The following ELFN1 variants were observed in gnomAD, a reference collection of about 807,000 sequenced individuals.
The protein encoded by ELFN1 is protein ELFN1.
A neutral mutation model predicts 7.6 loss-of-function variants in ELFN1; 6 were observed. The observed-to-expected ratio is 0.79, with a 90% confidence interval of 0.43 to 1.56. The LOEUF is 1.56. Ranked by LOEUF, ELFN1 falls within the 40% of genes most tolerant of loss-of-function variation. The probability of loss-of-function intolerance (pLI) is 0.01; values close to 1 mark genes in which losing one functional copy is unlikely to be tolerated. For synonymous variants in ELFN1, 657 were observed against 588.1 expected, an observed-to-expected ratio of 1.12 and a Z score of -1.70; for missense variants, 1,169 against 1,232.2, an observed-to-expected ratio of 0.95 and a Z score of 0.77.
chr7:1,685,174 T>C (rs1038344575), intron 1 of ELFN1, among the ~76,000 whole-genome samples: 2 of 152,212 alleles, frequency 1.3e-5, no homozygotes, highest in African/African-American at 4.8e-5. Flanking sequence ...TAGTTTCTGA[T>C]GAGAAATCAG....
At chr7:1,676,616 T>C (rs1169096921) in intron 1 of ELFN1, among the ~76,000 whole-genome samples, 1 of 152,230 alleles carries the variant, frequency 6.6e-6, no homozygotes, top group Admixed American at 6.5e-5. Context: ...CCCTGGAACC[T>C]GGATGGGGCG....
rs565998208 is a variant in ELFN1, at chr7:1,711,492, T to C, written c.-294+2240T>C. ...GAGGAACAGAGAGACCCAGAAAATA[T>C]AGAGACTTCCAGAAAGAGGAGGAGA... is the stretch of plus-strand genomic sequence containing the variant. On this transcript the variant is annotated intron_variant, in intron 3 of 3. Coordinates refer to ENST00000424383, the MANE Select transcript of ELFN1 (RefSeq NM_001128636.4). Among the ~76,000 whole-genome samples, 38 of 148,436 alleles carry C rather than the reference T, an allele frequency of 2.6e-4. No individual in the cohort carries two copies. The East Asian group carries it at 6.2e-3, about 24-fold the overall frequency.
chr7:1,694,220 TGGGA>T (rs1779248969), intron 2 of ELFN1: 1 of 200,196 alleles, frequency 5.0e-6, no homozygotes, highest in Admixed American at 5.2e-5. Context: ...GTCCCAGGCT[TGGGA>T]GGCCGGTGCC....
intron 3 of ELFN1, among the ~76,000 whole-genome samples, chr7:1,723,345 A>G (rs1780081507): frequency 6.6e-6 from 1 of 152,202 alleles, no homozygotes; most frequent in Non-Finnish European, 1.5e-5. Context: ...TACTTTGACC[A>G]TATTTGTACA....
chr7:1,736,825 C>T (rs1780460842), intron 3 of ELFN1, among the ~76,000 whole-genome samples: 1 of 152,164 alleles, frequency 6.6e-6, no homozygotes, highest in African/African-American at 2.4e-5. Context: ...CTGTGGCCAG[C>T]TCTCCCAGCA....
intron 3 of ELFN1, among the ~76,000 whole-genome samples, chr7:1,726,106 C>T (rs914200207): frequency 2.6e-5 from 4 of 152,156 alleles, no homozygotes; most frequent in African/African-American, 9.7e-5. Flanking sequence ...TACACACGCA[C>T]TATTCTCTCC....
At chr7:1,713,292 G>T (rs1019342299) in intron 3 of ELFN1, among the ~76,000 whole-genome samples, 1 of 152,196 alleles carries the variant, frequency 6.6e-6, no homozygotes, top group Non-Finnish European at 1.5e-5. Flanking sequence ...TTCCCAGCCC[G>T]GCCCACCTCA....
intron 3 of ELFN1, among the ~76,000 whole-genome samples, chr7:1,737,703 T>C (rs969676327): frequency 1.3e-5 from 2 of 152,166 alleles, no homozygotes; most frequent in Non-Finnish European, 2.9e-5. Context: ...CCCCTGCTGA[T>C]GGGGGGCTCA....
At chr7:1,734,153 A>G (rs1780381814) in intron 3 of ELFN1, among the ~76,000 whole-genome samples, 1 of 152,150 alleles carries the variant, frequency 6.6e-6, no homozygotes, top group African/African-American at 2.4e-5. Context: ...TGAGGGCGTG[A>G]TGAGGAAAGT....
chr7:1,729,276 G>A (rs1780274365), intron 3 of ELFN1, among the ~76,000 whole-genome samples: 1 of 152,254 alleles, frequency 6.6e-6, no homozygotes, highest in South Asian at 2.1e-4. Flanking sequence ...TTTGGTGTGA[G>A]TCAGTGATCC....
At chr7:1,676,865 G>T (rs1216027263) in intron 1 of ELFN1, among the ~76,000 whole-genome samples, 1 of 152,164 alleles carries the variant, frequency 6.6e-6, no homozygotes, top group Non-Finnish European at 1.5e-5. Flanking sequence ...GGATTGCTTC[G>T]GGAAGTCTCT....
Position 1,673,398 on chromosome 7 carries a change from C to T in ELFN1, c.-549+3044C>T, listed in dbSNP as rs1400290706. Among the ~76,000 whole-genome samples the T allele has an allele frequency of 1.3e-5, 2 of 152,144 alleles. No homozygotes were observed. Among genetic ancestry groups the T allele is most frequent in the Non-Finnish European group, 2.9e-5 (2 of 68,016 alleles). On this transcript the variant is annotated intron_variant, in intron 1 of 3. Transcript: ENST00000424383. The surrounding 1 kb of genome is among the most constrained non-coding windows in gnomAD (Gnocchi z 4.7). ...GTTGGGGGCTGCTGCCTCCCTTCACCCCTGTGCACCCTGAGCCAGTCAGTG... is the reference window on the plus strand; with the variant it reads ...GTTGGGGGCTGCTGCCTCCCTTCACTCCTGTGCACCCTGAGCCAGTCAGTG...
At chr7:1,723,124 T>C (rs1375063075) in intron 3 of ELFN1, among the ~76,000 whole-genome samples, 4 of 152,032 alleles carry the variant, frequency 2.6e-5, no homozygotes, top group East Asian at 1.9e-4. Context: ...AACCCAGGAG[T>C]TGGAAGTTGC....
chr7:1,724,195 G>A (rs1284445483), intron 3 of ELFN1, among the ~76,000 whole-genome samples: 4 of 152,228 alleles, frequency 2.6e-5, no homozygotes, highest in Admixed American at 1.3e-4. Context: ...CACAGTGCCT[G>A]GCGCGTGGTA....
At position 1,735,258 on chromosome 7, in the gene ELFN1, G is replaced by A. The variant is rs1780413981; in HGVS notation, c.-293-9046G>A. Among the ~76,000 whole-genome samples, 2 of 152,148 alleles carry A rather than the reference G, an allele frequency of 1.3e-5. No homozygotes were observed. Among genetic ancestry groups the A allele is most frequent in the Non-Finnish European group, 2.9e-5 (2 of 68,026 alleles). On this transcript the variant is annotated intron_variant, in intron 3 of 3. Transcript: ENST00000424383. This position sits in a 1 kb window ranked among gnomAD's most constrained non-coding sequence, Gnocchi z 5.9. ...TTGTAGGGTGTTCCTGCTCTTGGGGGCAGGGCAGGGGGAGCCCTGCAGCTT... is the reference window on the plus strand; with the variant it reads ...TTGTAGGGTGTTCCTGCTCTTGGGGACAGGGCAGGGGGAGCCCTGCAGCTT...
rs970199455 is a variant in ELFN1, at chr7:1,741,973, CACACAG to C, written c.-293-2327_-293-2322del. 1.4e-4 allele frequency among the ~76,000 whole-genome samples: 22 copies of C among 152,072 alleles called. No individual in the cohort carries two copies. The East Asian group carries it at 3.3e-3, about 23-fold the overall frequency. ...ACCTGTGCACACACATCTGTACACA[CACACAG>C]ACAACCTGGCACACACATACGAGGG... On this transcript the variant is annotated intron_variant, in intron 3 of 3. Coordinates refer to ENST00000424383, the MANE Select transcript of ELFN1 (RefSeq NM_001128636.4).
In ELFN1 at chr7:1,746,942, G is replaced by A; in HGVS notation, c.2346G>A (p.Leu782=). 1 of 1,550,304 alleles carries A rather than the reference G, an allele frequency of 6.5e-7. No homozygotes were observed. The highest frequency in any genetic ancestry group is 8.7e-7 in the Non-Finnish European group (1 of 1,146,994). Reference sequence around the variant, plus strand: ...AGAGCATCTGGGAGCGCTTCAGACTGAGCCGCCGGCGGCACAAGGAGGAAG... The same window carrying A: ...AGAGCATCTGGGAGCGCTTCAGACTAAGCCGCCGGCGGCACAAGGAGGAAG... The part of the protein sequence containing the change: ...ASQSIWERFR[L]SRRRHKEEEE... The change falls in exon 4 of 4, where the codon CTG becomes CTA. Residue 782 remains leucine (L), a synonymous_variant. Coordinates refer to ENST00000424383, the MANE Select transcript of ELFN1 (RefSeq NM_001128636.4).
At chr7:1,728,662 C>T (rs1448862611) in intron 3 of ELFN1, among the ~76,000 whole-genome samples, 4 of 152,214 alleles carry the variant, frequency 2.6e-5, no homozygotes, top group Admixed American at 6.5e-5. Context: ...ACAGCACATG[C>T]GTTTTCTCAC....
In ELFN1 at chr7:1,735,715, T is replaced by C. The variant is rs1443254377; in HGVS notation, c.-293-8589T>C. Among the ~76,000 whole-genome samples the C allele has an allele frequency of 6.6e-6, 1 of 152,016 alleles. No individual in the cohort carries two copies. Among genetic ancestry groups the C allele is most frequent in the Non-Finnish European group, 1.5e-5 (1 of 67,976 alleles). On this transcript the variant is annotated intron_variant, in intron 3 of 3. Transcript: ENST00000424383. The surrounding 1 kb of genome is among the most constrained non-coding windows in gnomAD (Gnocchi z 5.9). ...CAACTGTGCTGAAGGAAAACCCACA[T>C]ATGTCCAGCGTGCGGCTCCATCTCC...
Sources: allele counts gnomAD v4.1 joint callset (sites outside exome capture counted in the v4.1 genomes callset), GRCh38; gene constraint gnomAD v4.1.1; non-coding constraint Gnocchi (gnomAD v3.1); transcripts MANE v1.5; gene names NCBI Gene and HGNC (gene_info 2026-07-23, HGNC 2026-07-21).